Variants in KATNIP observed in about 807,000 individuals in gnomAD.
KATNIP encodes the protein katanin-interacting protein.
KATNIP carries 126 observed loss-of-function variants against 174.0 expected under a neutral mutation model. The observed-to-expected ratio is 0.72, with a 90% CI of 0.63 to 0.84. The LOEUF is 0.84. KATNIP is among the 40% of genes least tolerant of loss of function. KATNIP has a pLI of 0.00. For missense variants in KATNIP, 1,958 were observed against 2,109.7 expected (o/e 0.93, Z 1.41); for synonymous variants, 810 against 835.7 (o/e 0.97, Z 0.53).
chr16:27,601,748 A>T (rs1379048963), intron 2 of KATNIP, among the ~76,000 whole-genome samples: 4 of 152,126 alleles, frequency 2.6e-5, no homozygotes. Flanking sequence ...TGCCCAACCC[A>T]TAGGAGAAGC....
chr16:27,603,830 A>C (rs1006159508), intron 2 of KATNIP, among the ~76,000 whole-genome samples: 4 of 150,166 alleles, frequency 2.7e-5, no homozygotes, highest in African/African-American at 9.8e-5. Context: ...TCTGCCTCCC[A>C]GGTTCAAGCA....
chr16:27,567,505 G>GT (rs1326102151), intron 1 of KATNIP, among the ~76,000 whole-genome samples: 2 of 151,406 alleles, frequency 1.3e-5, no homozygotes, highest in South Asian at 2.1e-4. Flanking sequence ...ACACCCTTGT[G>GT]TTTTTTTTCT....
At chr16:27,634,619 G>T (rs1017866699) in intron 5 of KATNIP, among the ~76,000 whole-genome samples, 1 of 152,186 alleles carries the variant, frequency 6.6e-6, no homozygotes, top group Non-Finnish European at 1.5e-5. Flanking sequence ...CTGCCCCGCA[G>T]CCTGGCTAGC....
At chr16:27,698,285 A>G in intron 8 of KATNIP, 43 bp from the exon 9 acceptor site, 2 of 1,567,954 alleles carry the variant, frequency 1.3e-6, no homozygotes, top group South Asian at 2.4e-5. Context: ...CTGCACTCCG[A>G]GAATATAATC....
In KATNIP at chr16:27,713,666, T is replaced by TAATATAC. The variant is rs2079706840; in HGVS notation, c.1605+4747_1605+4748insATATACA. Reference sequence around the variant, plus strand: ...TTATGTGTGTGTATATATATACACATACATATTATATATATGTGTGTGTAT... The same window carrying TAATATAC: ...TTATGTGTGTGTATATATATACACATAATATACACATATTATATATATGTGTGTGTAT... On this transcript the variant is annotated intron_variant, in intron 13 of 27. Transcript: ENST00000261588. Among the ~76,000 whole-genome samples, 14 of 15,804 alleles carry TAATATAC rather than the reference T, an allele frequency of 8.9e-4. 1 individual carries two copies. Among genetic ancestry groups the TAATATAC allele is most frequent in the Non-Finnish European group, 2.8e-3 (13 of 4,662 alleles). 10.4% of individuals were successfully genotyped at this position (15,804 alleles called of 152,430 possible).
intron 1 of KATNIP, among the ~76,000 whole-genome samples, chr16:27,568,433 A>C (rs992360708): frequency 6.6e-6 from 1 of 152,168 alleles, no homozygotes; most frequent in African/African-American, 2.4e-5. Flanking sequence ...GAGGGATTAC[A>C]GGTGTGAGCA....
chr16:27,661,033 C>T (rs923148539), intron 6 of KATNIP, among the ~76,000 whole-genome samples: 1 of 152,146 alleles, frequency 6.6e-6, no homozygotes, highest in Non-Finnish European at 1.5e-5. Flanking sequence ...GCACCCTGAC[C>T]AGCCCACACA....
intron 27 of KATNIP, among the ~76,000 whole-genome samples, 197 bp downstream of exon 27, chr16:27,778,166 G>T (rs1046407470): frequency 1.8e-4 from 27 of 152,190 alleles, no homozygotes; most frequent in Admixed American, 1.8e-3. Context: ...CCATCTTCTT[G>T]CAGGCACCTG....
In KATNIP at chr16:27,778,877, C is replaced by T. The variant is rs1314584349; in HGVS notation, c.*248C>T. ...GGCCACAGGGAGCCCAGGACACCCG[C>T]CTTCATGCCTCTGCTGTGAGACCCA... On this transcript the variant is annotated 3_prime_UTR_variant, in exon 28 of 28. Transcript: ENST00000261588. 1 of 455,690 alleles carries T rather than the reference C, an allele frequency of 2.2e-6. No individual in the cohort carries two copies. Among genetic ancestry groups the T allele is most frequent in the Non-Finnish European group, 3.9e-6 (1 of 258,626 alleles). 28.2% of individuals were successfully genotyped at this position (455,690 alleles called of 1,614,324 possible).
At chr16:27,742,352 G>A (rs2081140682) in intron 15 of KATNIP, among the ~76,000 whole-genome samples, 1 of 152,222 alleles carries the variant, frequency 6.6e-6, no homozygotes. Context: ...GAAAGAATGA[G>A]ATGATGGCTT....
At chr16:27,610,868 A>G (rs2075870524) in intron 2 of KATNIP, among the ~76,000 whole-genome samples, 1 of 152,216 alleles carries the variant, frequency 6.6e-6, no homozygotes, top group Non-Finnish European at 1.5e-5. Flanking sequence ...GGAGAGGCTC[A>G]TCAGAAACTC....
intron 6 of KATNIP, among the ~76,000 whole-genome samples, chr16:27,655,775 G>C (rs2077261054): frequency 6.6e-6 from 1 of 152,072 alleles, no homozygotes; most frequent in Non-Finnish European, 1.5e-5. Context: ...CAGGCCTCAG[G>C]GAAGCCCCTG....
intron 3 of KATNIP, among the ~76,000 whole-genome samples, chr16:27,627,918 GA>G (rs1405416473): frequency 2.6e-5 from 4 of 152,200 alleles, no homozygotes; most frequent in African/African-American, 9.6e-5. Flanking sequence ...ATGGCAGTGT[GA>G]CATCAGGATT....
At chr16:27,686,540 A>G (rs1053243821) in intron 8 of KATNIP, among the ~76,000 whole-genome samples, 3 of 152,200 alleles carry the variant, frequency 2.0e-5, no homozygotes, top group East Asian at 1.9e-4. Flanking sequence ...CTAACAATCT[A>G]TGCGTTTTAA....
chr16:27,666,745 G>A (rs867041426), intron 6 of KATNIP, among the ~76,000 whole-genome samples: 10 of 152,144 alleles, frequency 6.6e-5, no homozygotes, highest in Admixed American at 5.9e-4. Context: ...TGCAGAGTTA[G>A]GACAGGCATG....
rs150889101 is a variant in KATNIP at position 27,705,994 on chromosome 16, C to T, written c.1389+1996C>T. Among the ~76,000 whole-genome samples the T allele has an allele frequency of 2.1e-4, 32 of 152,202 alleles. No individual in the cohort carries two copies. The East Asian group carries it at 3.1e-3, about 15-fold the overall frequency. ...CACCTGACCAAGTCTCCTTATATTA[C>T]GGGAGACAGAAAATCCAGGGCAAAC... On this transcript the variant is annotated intron_variant, in intron 12 of 27. Coordinates refer to ENST00000261588, the MANE Select transcript of KATNIP (RefSeq NM_015202.5).
intron 13 of KATNIP, among the ~76,000 whole-genome samples, chr16:27,712,916 C>T (rs1031304900): frequency 6.6e-6 from 1 of 152,152 alleles, no homozygotes; most frequent in African/African-American, 2.4e-5. Flanking sequence ...AGCCACCCCC[C>T]AACCTCAGCC....
rs2089590484 is a variant in KATNIP at position 27,555,649 on chromosome 16, A to G, written c.7+5472A>G. Among the ~76,000 whole-genome samples the G allele has an allele frequency of 1.3e-5, 2 of 151,932 alleles. 1 individual carries two copies. The highest frequency in any genetic ancestry group is 4.2e-4 in the South Asian group (2 of 4,814). ...CAGAAGTTCGAGACCAGCCTGACCA[A>G]CATGGAGAAACCCTGTCTCTACTAA... On this transcript the variant is annotated intron_variant, in intron 1 of 27. Transcript: ENST00000261588.
intron 8 of KATNIP, among the ~76,000 whole-genome samples, chr16:27,698,127 C>CCA (rs559171341): frequency 1.6e-3 from 237 of 152,332 alleles, no homozygotes; most frequent in African/African-American, 4.9e-3. Context: ...CAAGTCCCCC[C>CCA]AGGGCCACCA....
Sources: allele counts gnomAD v4.1 joint callset (sites outside exome capture counted in the v4.1 genomes callset), GRCh38; gene constraint gnomAD v4.1.1; transcripts MANE v1.5; gene names NCBI Gene and HGNC (gene_info 2026-07-23, HGNC 2026-07-21).